The following VPS41 variants were observed in gnomAD, a reference collection of about 807,000 sequenced individuals.
VPS41 encodes vacuolar protein sorting-associated protein 41 homolog.
In VPS41, 85 loss-of-function variants were observed where a neutral mutation model predicts 130.9. That is an observed-to-expected ratio of 0.65 (90% CI 0.55 to 0.78). VPS41 has a LOEUF of 0.78. Ranked by LOEUF, VPS41 falls within the 30% of genes least tolerant of loss-of-function variation. The pLI is 0.00. For missense variants in VPS41, 874 were observed against 1,018.7 expected, an observed-to-expected ratio of 0.86 and a Z score of 1.93; for synonymous variants, 335 against 332.9, an observed-to-expected ratio of 1.01 and a Z score of -0.07.
chr7:38,789,809 A>C lies in VPS41; in HGVS notation c.776T>G (p.Val259Gly). The C allele has an allele frequency of 6.2e-7, 1 of 1,613,738 alleles. No homozygotes were observed. Among genetic ancestry groups the C allele is most frequent in the Non-Finnish European group, 8.5e-7 (1 of 1,179,710 alleles). ...AAGTGTTGGAGCCATACCTATTTCAACATATCGACTTGGCAAATCCCTCAT... is the reference window on the plus strand; with the variant it reads ...AAGTGTTGGAGCCATACCTATTTCACCATATCGACTTGGCAAATCCCTCAT... Reference protein sequence around the residue: ...SEMRDLPSRYVEIVSQFETEF... With the variant: ...SEMRDLPSRYGEIVSQFETEF... Residue 259 changes from valine (V) to glycine (G), a missense_variant, in exon 10 of 29, where the codon GTT becomes GGT. Coordinates refer to ENST00000310301, the MANE Select transcript of VPS41 (RefSeq NM_014396.4).
chr7:38,785,473 C>G lies in VPS41; in HGVS notation c.784+4328G>C, dbSNP rs550519964. On this transcript the variant is annotated intron_variant, in intron 10 of 28. Coordinates refer to ENST00000310301, the MANE Select transcript of VPS41 (RefSeq NM_014396.4). ...GCAATTTAATTCCGTATTTTATAAT[C>G]AATATTCAGCAAACTATTGTCAATT... is the stretch of plus-strand genomic sequence containing the variant. 3.3e-5 allele frequency among the ~76,000 whole-genome samples: 5 copies of G among 152,316 alleles called. No individual in the cohort carries two copies. The East Asian group carries it at 9.6e-4, about 29-fold the overall frequency.
At chr7:38,796,974 C>G in intron 7 of VPS41, 110 bp from the exon 8 acceptor site, 1 of 1,267,082 alleles carries the variant, frequency 7.9e-7, no homozygotes, top group African/African-American at 1.5e-5. Flanking sequence ...ACAAGTCACT[C>G]TCGACGTCTT....
intron 10 of VPS41, among the ~76,000 whole-genome samples, chr7:38,777,471 A>G (rs1784280945): frequency 6.6e-6 from 1 of 152,234 alleles, no homozygotes; most frequent in Admixed American, 6.5e-5. Flanking sequence ...GAAAGCTCAG[A>G]AGTACACATA....
chr7:38,892,064 A>G (rs1262947587), intron 2 of VPS41, among the ~76,000 whole-genome samples: 1 of 152,084 alleles, frequency 6.6e-6, no homozygotes, highest in East Asian at 1.9e-4. Context: ...ATAGAAAGCA[A>G]TTCTGAAACT....
intron 1 of VPS41, among the ~76,000 whole-genome samples, chr7:38,905,869 C>T (rs1415402771): frequency 6.6e-6 from 1 of 152,238 alleles, no homozygotes. Flanking sequence ...TCTCGGCTCA[C>T]TGCAACCTCT....
At chr7:38,853,117 C>T (rs1363100232) in intron 4 of VPS41, among the ~76,000 whole-genome samples, 1 of 152,090 alleles carries the variant, frequency 6.6e-6, no homozygotes, top group East Asian at 1.9e-4. Context: ...TTGGTGATTC[C>T]CTGTTTCATA....
intron 2 of VPS41, among the ~76,000 whole-genome samples, chr7:38,872,719 T>G (rs1786397254): frequency 6.6e-6 from 1 of 152,098 alleles, no homozygotes. Context: ...TGACCTGTTT[T>G]TAACAGAAAA....
chr7:38,863,334 A>G (rs2893567), intron 3 of VPS41, among the ~76,000 whole-genome samples: 47,364 of 152,030 alleles, frequency 0.31, 7,635 homozygotes, highest in East Asian at 0.45. Flanking sequence ...GAAATATGAC[A>G]TGAGAGTTTT....
At position 38,724,858 on chromosome 7, in the gene VPS41, C is replaced by T. The variant is rs1190158318; in HGVS notation, c.*1388G>A. ...CCACCTGCCAAGGCCTCCCAAAGCCCTGGGATTACGGGCGTGAGCCACCAT... is the reference window on the plus strand; with the variant it reads ...CCACCTGCCAAGGCCTCCCAAAGCCTTGGGATTACGGGCGTGAGCCACCAT... On this transcript the variant is annotated 3_prime_UTR_variant, in exon 29 of 29. Coordinates refer to ENST00000310301, the MANE Select transcript of VPS41 (RefSeq NM_014396.4). The T allele has an allele frequency of 6.6e-6, 1 of 152,422 alleles. No individual in the cohort carries two copies. Among genetic ancestry groups the T allele is most frequent in the African/African-American group, 2.4e-5 (1 of 41,440 alleles). 9.4% of individuals were successfully genotyped at this position (152,422 alleles called of 1,614,324 possible). A position where few individuals can be genotyped will look rare whatever the true frequency, so the allele number is the denominator to read the frequency against.
At chr7:38,726,774 TTA>T in intron 28 of VPS41, 133 bp downstream of exon 28, 2 of 675,940 alleles carry the variant, frequency 3.0e-6, no homozygotes, top group Non-Finnish European at 4.5e-6. Flanking sequence ...TTAATTTTTG[TTA>T]TGTGATATAA....
chr7:38,832,140 T>G (rs950000197), intron 4 of VPS41, among the ~76,000 whole-genome samples: 2 of 152,014 alleles, frequency 1.3e-5, no homozygotes, highest in Non-Finnish European at 2.9e-5. Flanking sequence ...TCTTACTCAT[T>G]TTTTTCTATT....
chr7:38,812,629 T>C (rs1329961903), intron 7 of VPS41, among the ~76,000 whole-genome samples: 1 of 152,114 alleles, frequency 6.6e-6, no homozygotes, highest in Non-Finnish European at 1.5e-5. Context: ...GAAAAAATAT[T>C]TGCGAATCAT....
chr7:38,726,574 G>A (rs753383393), intron 28 of VPS41, among the ~76,000 whole-genome samples: 18 of 152,132 alleles, frequency 1.2e-4, no homozygotes, highest in Non-Finnish European at 2.2e-4. Context: ...CTAAAAAAAT[G>A]ATAGCATCAT....
chr7:38,808,185 C>T (rs1377779736), intron 7 of VPS41, among the ~76,000 whole-genome samples: 18 of 152,144 alleles, frequency 1.2e-4, no homozygotes, highest in African/African-American at 4.8e-5. Flanking sequence ...GGGAGTCCTA[C>T]ATATTGACAT....
chr7:38,776,708 A>G lies in VPS41; in HGVS notation c.853T>C (p.Ser285Pro), dbSNP rs544223875. The G allele has an allele frequency of 7.4e-6, 12 of 1,611,172 alleles. No homozygotes were observed. The highest frequency in any genetic ancestry group is 1.0e-5 in the Non-Finnish European group (12 of 1,177,520). ...TTTTCTGAAATCTCCTTTACATACG[A>G]AAGTACAACAAGCTGATCACAGAGA... is the stretch of plus-strand genomic sequence containing the variant. ...APLCDQLVVL[S>P]YVKEISEKTE... is the part of the protein sequence containing the mutation. The change falls in exon 11 of 29, where the codon TCG becomes CCG. Residue 285 changes from serine to proline, a missense_variant. Ser to Pro is a moderately conservative substitution (Grantham distance 74). Transcript: ENST00000310301.
rs373593442 is a variant in VPS41, at chr7:38,743,472, G to A, written c.2052C>T (p.Ile684=). 55 of 1,613,806 alleles carry A rather than the reference G, an allele frequency of 3.4e-5. 1 individual carries two copies. In the South Asian group the frequency reaches 3.6e-4, roughly 11 times the overall value. ...MEELHDVDKA[I]EFAKEQDDGE... is the part of the protein sequence containing the mutation. ...CATCATCTTGCTCCTTGGCAAATTCGATTGCTTTATCAACATCATGTAATT... is the reference window on the plus strand; with the variant it reads ...CATCATCTTGCTCCTTGGCAAATTCAATTGCTTTATCAACATCATGTAATT... The change falls in exon 24 of 29, where the codon ATC becomes ATT. Residue 684 remains isoleucine (I), a synonymous_variant. Transcript: ENST00000310301.
At chr7:38,847,127 A>G (rs1785743705) in intron 4 of VPS41, among the ~76,000 whole-genome samples, 1 of 152,248 alleles carries the variant, frequency 6.6e-6, no homozygotes, top group Admixed American at 6.5e-5. Flanking sequence ...GGCTGGGAAC[A>G]GTTCAGTGCT....
In VPS41 at chr7:38,725,143, G is replaced by A. The variant is rs769925897; in HGVS notation, c.*1103C>T. On this transcript the variant is annotated 3_prime_UTR_variant, in exon 29 of 29. Transcript: ENST00000310301. ...TTCCCCAAAAAGAAAGAAGCAGAAA[G>A]CTGTATTTGTTCCCATTTATGGGAC... 3.3e-5 allele frequency: 5 copies of A among 152,226 alleles called. No individual in the cohort carries two copies. Among genetic ancestry groups the A allele is most frequent in the Non-Finnish European group, 7.3e-5 (5 of 68,064 alleles). The allele number at this position is 152,226 out of a possible 1,614,324, so 9.4% of individuals were successfully genotyped here. A position where few individuals can be genotyped will look rare whatever the true frequency, so the allele number is the denominator to read the frequency against.
At chr7:38,850,664 A>C (rs1024409417) in intron 4 of VPS41, among the ~76,000 whole-genome samples, 1 of 152,150 alleles carries the variant, frequency 6.6e-6, no homozygotes, top group Non-Finnish European at 1.5e-5. Context: ...TCTGATTTTG[A>C]GCCATCACAT....
Sources: allele counts gnomAD v4.1 joint callset (sites outside exome capture counted in the v4.1 genomes callset), GRCh38; gene constraint gnomAD v4.1.1; transcripts MANE v1.5; gene names NCBI Gene and HGNC (gene_info 2026-07-23, HGNC 2026-07-21).